NCAPD3: variants seen among roughly 807,000 people sequenced by gnomAD.
The protein encoded by NCAPD3 is non-SMC condensin II complex subunit D3, also known as condensin-2 complex subunit D3.
NCAPD3 carries 105 observed loss-of-function variants against 182.9 expected under a neutral mutation model. The observed-to-expected ratio is 0.57, with a 90% CI of 0.49 to 0.68. The LOEUF is 0.68. NCAPD3 is among the 30% of genes least tolerant of loss of function. The pLI is 0.00. For synonymous variants in NCAPD3, 815 were observed against 679.9 expected (o/e 1.20, Z -3.09); for missense variants, 1,944 against 1,837.0 (o/e 1.06, Z -1.07).
rs1450982044 is a variant in NCAPD3, at chr11:134,150,780, C to T, written c.*2164G>A. On this transcript the variant is annotated 3_prime_UTR_variant, in exon 35 of 35. Coordinates refer to ENST00000534548, the MANE Select transcript of NCAPD3 (RefSeq NM_015261.3). Reference sequence around the variant, plus strand: ...GTTCCTCTTTGCCACAGAGAAAGCACCCAGACGCCACAGGCTCTGTCGCAT... The same window carrying T: ...GTTCCTCTTTGCCACAGAGAAAGCATCCAGACGCCACAGGCTCTGTCGCAT... The T allele has an allele frequency of 2.6e-5, 4 of 152,100 alleles. No individual in the cohort carries two copies. The allele number at this position is 152,100 out of a possible 1,614,324, so 9.4% of individuals were successfully genotyped here. A position where few individuals can be genotyped will look rare whatever the true frequency, so the allele number is the denominator to read the frequency against.
At chr11:134,203,289 T>A in intron 11 of NCAPD3, 91 bp from the exon 12 acceptor site, 1 of 970,934 alleles carries the variant, frequency 1.0e-6, no homozygotes, top group Non-Finnish European at 1.6e-6. Flanking sequence ...ATAATTAGGC[T>A]CAAAGACAAG....
chr11:134,155,496 T>C (rs1943394776), intron 32 of NCAPD3, among the ~76,000 whole-genome samples: 1 of 152,084 alleles, frequency 6.6e-6, no homozygotes, highest in Non-Finnish European at 1.5e-5. Context: ...ACAAGTACTC[T>C]ACCAACTCAA....
chr11:134,211,336 C>T (rs1290864652), intron 3 of NCAPD3, among the ~76,000 whole-genome samples: 1 of 152,160 alleles, frequency 6.6e-6, no homozygotes. Context: ...AATCCAGACA[C>T]TCAACAACAT....
intron 2 of NCAPD3, among the ~76,000 whole-genome samples, chr11:134,217,631 A>C (rs984819366): frequency 3.9e-5 from 6 of 152,232 alleles, no homozygotes; most frequent in African/African-American, 1.4e-4. Flanking sequence ...TATTAATTCT[A>C]TCTTCATTCC....
At position 134,168,951 on chromosome 11, in the gene NCAPD3, G is replaced by A. The variant is rs1263835118; in HGVS notation, c.3205C>T (p.His1069Tyr). The A allele has an allele frequency of 1.9e-6, 3 of 1,613,888 alleles. No homozygotes were observed. The highest frequency in any genetic ancestry group is 4.5e-5 in the East Asian group (2 of 44,874). Residue 1069 changes from histidine (H) to tyrosine (Y), a missense_variant, in exon 25 of 35, where the codon CAT becomes TAT. By Grantham distance (83) the His-to-Tyr change is moderately conservative. Coordinates refer to ENST00000534548, the MANE Select transcript of NCAPD3 (RefSeq NM_015261.3). ...TGGGGGAACTTGTTGTACTTCTCAT[G>A]CTTCTCATAGTTATTAAAGTGAAAA... ...CIFHFNNYEK[H>Y]EKYNKFPQSE...
intron 19 of NCAPD3, 142 bp from the exon 20 acceptor site, chr11:134,181,326 T>C (rs1944292110): frequency 1.7e-6 from 1 of 600,556 alleles, no homozygotes; most frequent in African/African-American, 1.8e-5. Flanking sequence ...TTCCCACAAT[T>C]TGTCCAAAAC....
chr11:134,183,138 CT>C, intron 19 of NCAPD3: 1 of 456,290 alleles, frequency 2.2e-6, no homozygotes, highest in Non-Finnish European at 4.4e-6. Flanking sequence ...ACACATGATT[CT>C]TTTTCCAACC....
chr11:134,160,203 T>C, intron 28 of NCAPD3, 129 bp from the exon 29 acceptor site: 1 of 912,906 alleles, frequency 1.1e-6, no homozygotes, highest in Non-Finnish European at 1.6e-6. Context: ...GAACGCAAAA[T>C]AAAAGTTAAG....
At chr11:134,211,732 TTGATCTG>T (rs1328448030) in intron 3 of NCAPD3, among the ~76,000 whole-genome samples, 1 of 152,142 alleles carries the variant, frequency 6.6e-6, no homozygotes, top group African/African-American at 2.4e-5. Context: ...CAGAACTTCC[TTGATCTG>T]AAAAAGAAAC....
intron 17 of NCAPD3, among the ~76,000 whole-genome samples, 156 bp from the exon 18 acceptor site, chr11:134,185,156 G>A (rs1315738886): frequency 1.3e-5 from 2 of 152,102 alleles, no homozygotes; most frequent in Non-Finnish European, 2.9e-5. Context: ...TAATGTACTT[G>A]GACAAAGGGG....
rs1591830292 is a variant in NCAPD3, at chr11:134,168,041, C to T, written c.3528G>A (p.Leu1176=). ...GAGCTTCCTGCATGACTACATTTGCCAAGGCCATGTCATCTTCTTCCATAA... is the reference window on the plus strand; with the variant it reads ...GAGCTTCCTGCATGACTACATTTGCTAAGGCCATGTCATCTTCTTCCATAA... ...DLLMEEDDMA[L]ANVVMQEAQK... The change falls in exon 27 of 35, where the codon TTG becomes TTA. Residue 1176 remains leucine (L), a synonymous_variant. Transcript: ENST00000534548. 6.2e-7 allele frequency: 1 copy of T among 1,614,100 alleles called. No individual in the cohort carries two copies. Among genetic ancestry groups the T allele is most frequent in the South Asian group, 1.1e-5 (1 of 91,076 alleles).
Position 134,153,001 on chromosome 11 carries a change from GTC to G in NCAPD3, c.4438_4439del (p.Asp1480HisfsTer80), listed in dbSNP as rs1482628552. 1 of 1,590,970 alleles carries G rather than the reference GTC, an allele frequency of 6.3e-7. No homozygotes were observed. The highest frequency in any genetic ancestry group is 8.6e-7 in the Non-Finnish European group (1 of 1,166,776). On this transcript the variant is annotated frameshift_variant, in exon 35 of 35. Coordinates refer to ENST00000534548, the MANE Select transcript of NCAPD3 (RefSeq NM_015261.3). LOFTEE classifies it high-confidence loss of function. ...WNVRSPARNK[D>X]TPACSRRSLR... Reference sequence around the variant, plus strand: ...GGGACCTCCTGCTGCAGGCTGGAGTGTCTTTATTCCTGGCGGGAGACCGCACA... The same window carrying G: ...GGGACCTCCTGCTGCAGGCTGGAGTGTTTATTCCTGGCGGGAGACCGCACA...
chr11:134,163,871 C>CAAAAAAAAAA (rs60340458), intron 27 of NCAPD3, among the ~76,000 whole-genome samples: 18 of 70,712 alleles, frequency 2.5e-4, no homozygotes, highest in East Asian at 4.3e-4. Context: ...GATTCTGTCT[C>CAAAAAAAAAA]AAAAAAAAAA....
At chr11:134,184,076 C>T (rs1026744203) in intron 19 of NCAPD3, among the ~76,000 whole-genome samples, 3 of 152,064 alleles carry the variant, frequency 2.0e-5, no homozygotes, top group African/African-American at 7.2e-5. Flanking sequence ...TTTAAGGAGT[C>T]AAAGTACCTC....
At chr11:134,162,361 C>T (rs1399854920) in intron 27 of NCAPD3, among the ~76,000 whole-genome samples, 2 of 152,174 alleles carry the variant, frequency 1.3e-5, no homozygotes, top group Non-Finnish European at 2.9e-5. Context: ...ACAGCCAGCT[C>T]TGTCTCTCTC....
intron 25 of NCAPD3, 26 bp downstream of exon 25, chr11:134,168,891 A>G (rs1366095298): frequency 1.2e-6 from 2 of 1,604,382 alleles, no homozygotes; most frequent in South Asian, 2.2e-5. Flanking sequence ...AGATACAAGG[A>G]GACCAGACTT....
In NCAPD3 at chr11:134,194,779, A is replaced by C. The variant is rs80057266; in HGVS notation, c.1616-41T>G. Reference sequence around the variant, plus strand: ...CAAAGGGTCATCACAGCTGGAGAAAAGTCACACAGCAGCTAACATTTCACC... The same window carrying C: ...CAAAGGGTCATCACAGCTGGAGAAACGTCACACAGCAGCTAACATTTCACC... On this transcript the variant is annotated intron_variant, in intron 13 of 34. Coordinates refer to ENST00000534548, the MANE Select transcript of NCAPD3 (RefSeq NM_015261.3). 10,466 of 1,411,256 alleles carry C rather than the reference A, an allele frequency of 7.4e-3. 653 individuals are homozygous for C. In the African/African-American group the frequency reaches 0.13, roughly 18 times the overall value. 87.4% of individuals were successfully genotyped at this position (1,411,256 alleles called of 1,614,324 possible).
At chr11:134,165,204 CG>C in intron 27 of NCAPD3, among the ~76,000 whole-genome samples, 1 of 129,748 alleles carries the variant, frequency 7.7e-6, no homozygotes, top group East Asian at 2.4e-4. Context: ...CTTGGGGGAG[CG>C]GCACACTTGT....
chr11:134,151,632 T>C lies in NCAPD3; in HGVS notation c.*1312A>G, dbSNP rs1565510038. On this transcript the variant is annotated 3_prime_UTR_variant, in exon 35 of 35. Coordinates refer to ENST00000534548, the MANE Select transcript of NCAPD3 (RefSeq NM_015261.3). ...AATGTGACTCAAGACTCGAGGCCGA[T>C]ACGAGGCTGTGATTCTGCCTTTGGA... 1 of 152,248 alleles carries C rather than the reference T, an allele frequency of 6.6e-6. No individual in the cohort carries two copies. The highest frequency in any genetic ancestry group is 1.5e-5 in the Non-Finnish European group (1 of 68,062). The allele number at this position is 152,248 out of a possible 1,614,324, so 9.4% of individuals were successfully genotyped here.
Sources: allele counts gnomAD v4.1 joint callset (sites outside exome capture counted in the v4.1 genomes callset), GRCh38; gene constraint gnomAD v4.1.1; transcripts MANE v1.5; gene names NCBI Gene and HGNC (gene_info 2026-07-23, HGNC 2026-07-21).